DGKB: variants seen among roughly 807,000 people sequenced by gnomAD.
DGKB encodes the protein diacylglycerol kinase beta, also known as 90 kDa diacylglycerol kinase.
A neutral mutation model predicts 114.3 loss-of-function variants in DGKB; 67 were observed. The observed-to-expected ratio is 0.59, with a 90% CI of 0.48 to 0.72. The LOEUF is 0.72. Ranked by LOEUF, DGKB falls within the 30% of genes least tolerant of loss-of-function variation. The probability of loss-of-function intolerance (pLI) is 0.00; values close to 1 mark genes in which losing one functional copy is unlikely to be tolerated. For missense variants in DGKB, 907 were observed against 975.2 expected, an observed-to-expected ratio of 0.93 and a Z score of 0.93; for synonymous variants, 398 against 323.1, an observed-to-expected ratio of 1.23 and a Z score of -2.49.
chr7:14,662,533 T>C (rs1001437039), intron 13 of DGKB, among the ~76,000 whole-genome samples: 5 of 151,954 alleles, frequency 3.3e-5, no homozygotes, highest in African/African-American at 1.2e-4. Context: ...ATAAAGATGT[T>C]CACTATCATG....
At position 14,893,460 on chromosome 7, in the gene DGKB, G is replaced by A. The variant is rs566637972; in HGVS notation, c.-188+9132C>T. On this transcript the variant is annotated intron_variant, in intron 1 of 25. Coordinates refer to ENST00000402815, the MANE Select transcript of DGKB (RefSeq NM_001350709.2). ...TCTTCTATTCCAATGCACTTTAAAA[G>A]TATTAGGATATGTCAAGATTTGTTC... is the stretch of plus-strand genomic sequence containing the variant. 2.0e-5 allele frequency among the ~76,000 whole-genome samples: 3 copies of A among 151,290 alleles called. No individual in the cohort carries two copies. The South Asian group carries it at 6.2e-4, about 31-fold the overall frequency.
rs1583781817 is a variant in DGKB, at chr7:14,417,298, G to T, written c.1835+60863C>A. 5.9e-5 allele frequency among the ~76,000 whole-genome samples: 9 copies of T among 152,070 alleles called. 2 individuals are homozygous for T. On this transcript the variant is annotated intron_variant, in intron 21 of 25. Transcript: ENST00000402815. ...TGTTCTGAGATTGTTATATGCAGAT[G>T]CTGTATTAGAACAAAATAAAAACTG... is the stretch of plus-strand genomic sequence containing the variant.
At chr7:14,950,406 A>C (rs1031814432) in intron 1 of DGKB, among the ~76,000 whole-genome samples, 2 of 151,958 alleles carry the variant, frequency 1.3e-5, no homozygotes, top group Non-Finnish European at 2.9e-5. Flanking sequence ...AATTTTAAAG[A>C]TTAGAGCAGA....
At chr7:14,520,521 A>G (rs1789591227) in intron 20 of DGKB, among the ~76,000 whole-genome samples, 1 of 151,824 alleles carries the variant, frequency 6.6e-6, no homozygotes, top group African/African-American at 2.4e-5. Flanking sequence ...TGTATGTTAG[A>G]GTTAAATTTT....
intron 9 of DGKB, among the ~76,000 whole-genome samples, chr7:14,691,245 A>C (rs1005797805): frequency 3.3e-5 from 5 of 152,226 alleles, no homozygotes; most frequent in Non-Finnish European, 7.3e-5. Flanking sequence ...AGGACACCAC[A>C]GTCACTTTCA....
At chr7:14,783,323 G>A (rs1839398457) in intron 2 of DGKB, among the ~76,000 whole-genome samples, 1 of 152,164 alleles carries the variant, frequency 6.6e-6, no homozygotes, top group African/African-American at 2.4e-5. Flanking sequence ...TCAAAACTCG[G>A]ATTCACTTGT....
chr7:14,451,438 C>G (rs1831463437), intron 21 of DGKB, among the ~76,000 whole-genome samples: 1 of 152,008 alleles, frequency 6.6e-6, no homozygotes, highest in South Asian at 2.1e-4. Flanking sequence ...CAGACTGGAA[C>G]TATAGCATCA....
At chr7:14,774,236 C>A (rs558173663) in intron 2 of DGKB, among the ~76,000 whole-genome samples, 1 of 152,318 alleles carries the variant, frequency 6.6e-6, no homozygotes, top group South Asian at 2.1e-4. Flanking sequence ...TCCAAAGTTA[C>A]AGTCGATTTG....
intron 21 of DGKB, 99 bp downstream of exon 21, chr7:14,478,062 A>G: frequency 1.4e-6 from 1 of 723,354 alleles, no homozygotes; most frequent in Admixed American, 2.6e-5. Context: ...AAAGCCTCAT[A>G]AAGCCAGTAG....
At chr7:14,696,144 C>G (rs911022213) in intron 8 of DGKB, among the ~76,000 whole-genome samples, 15 of 152,106 alleles carry the variant, frequency 9.9e-5, no homozygotes, top group African/African-American at 3.4e-4. Context: ...AACACACCCC[C>G]CAACACACAC....
intron 1 of DGKB, among the ~76,000 whole-genome samples, chr7:14,917,871 T>C (rs375058100): frequency 1.3e-4 from 19 of 151,976 alleles, no homozygotes; most frequent in Admixed American, 7.9e-4. Flanking sequence ...TATTAGCAAA[T>C]TGAATCCAAC....
chr7:14,927,360 C>T (rs1344074276), intron 1 of DGKB, among the ~76,000 whole-genome samples: 1 of 151,910 alleles, frequency 6.6e-6, no homozygotes, highest in Non-Finnish European at 1.5e-5. Context: ...CTTTATTTAA[C>T]TTTTTTGTTT....
chr7:14,660,785 A>G (rs1356146477), intron 13 of DGKB, among the ~76,000 whole-genome samples: 3 of 151,908 alleles, frequency 2.0e-5, no homozygotes, highest in African/African-American at 4.8e-5. Context: ...GAGGCATCAC[A>G]CTACCTGACT....
In DGKB at chr7:14,516,679, G is replaced by A. The variant is rs149798283; in HGVS notation, c.1771-38454C>T. ...TTCTTGATTTGGCTTCAGCTTGAAC[G>A]TTGTTGGTGTATGGGAATGCTACTA... On this transcript the variant is annotated intron_variant, in intron 20 of 25. Coordinates refer to ENST00000402815, the MANE Select transcript of DGKB (RefSeq NM_001350709.2). Among the ~76,000 whole-genome samples the A allele has an allele frequency of 3.7e-4, 56 of 152,220 alleles. 2 individuals are homozygous for A. In the East Asian group the frequency reaches 0.01, roughly 28 times the overall value.
At chr7:14,842,539 A>C (rs1045099578) in intron 1 of DGKB, among the ~76,000 whole-genome samples, 2 of 152,194 alleles carry the variant, frequency 1.3e-5, no homozygotes, top group Admixed American at 6.5e-5. Flanking sequence ...GGGTTTGGGG[A>C]AGCAACACAA....
intron 4 of DGKB, among the ~76,000 whole-genome samples, chr7:14,749,288 C>A (rs1833789071): frequency 6.6e-6 from 1 of 152,088 alleles, no homozygotes; most frequent in Admixed American, 6.5e-5. Flanking sequence ...TCCCCTAAAG[C>A]TGTCATATAG....
chr7:14,316,563 A>G (rs1806574366), intron 23 of DGKB, among the ~76,000 whole-genome samples: 2 of 125,828 alleles, frequency 1.6e-5, no homozygotes, highest in Non-Finnish European at 3.3e-5. Flanking sequence ...TGACACATAC[A>G]CTCTCCCAAG....
chr7:14,325,766 C>T (rs1452345658), intron 23 of DGKB, among the ~76,000 whole-genome samples: 1 of 152,068 alleles, frequency 6.6e-6, no homozygotes, highest in Non-Finnish European at 1.5e-5. Flanking sequence ...TTTTATTCTT[C>T]TGTGGGGCCA....
chr7:14,681,194 A>G (rs1242520591), intron 12 of DGKB, among the ~76,000 whole-genome samples: 1 of 152,060 alleles, frequency 6.6e-6, no homozygotes, highest in Non-Finnish European at 1.5e-5. Flanking sequence ...TGGGAATTCA[A>G]TGTTTGAGTA....
Sources: allele counts gnomAD v4.1 joint callset (sites outside exome capture counted in the v4.1 genomes callset), GRCh38; gene constraint gnomAD v4.1.1; transcripts MANE v1.5; gene names NCBI Gene and HGNC (gene_info 2026-07-23, HGNC 2026-07-21).